Variants in PDE10A observed in about 807,000 individuals in gnomAD.
The protein encoded by PDE10A is cAMP and cAMP-inhibited cGMP 3',5'-cyclic phosphodiesterase 10A.
A neutral mutation model predicts 97.7 loss-of-function variants in PDE10A; 39 were observed. The ratio of observed to expected loss-of-function variants is 0.40; its 90% CI spans 0.31 to 0.52. The LOEUF is 0.52. Ranked by LOEUF, PDE10A falls within the 20% of genes least tolerant of loss-of-function variation. The probability of loss-of-function intolerance (pLI) is 0.56; values close to 1 mark genes in which losing one functional copy is unlikely to be tolerated. For synonymous variants in PDE10A, 371 were observed against 376.8 expected (o/e 0.98, Z 0.18); for missense variants, 731 against 1,047.8 (o/e 0.70, Z 4.17).
chr6:165,394,075 A>C (rs1785934520), intron 15 of PDE10A, among the ~76,000 whole-genome samples: 1 of 151,880 alleles, frequency 6.6e-6, no homozygotes, highest in African/African-American at 2.4e-5. Flanking sequence ...TATTATTATT[A>C]TTATTATTAT....
chr6:165,727,282 T>C (rs942450498), intron 1 of PDE10A, among the ~76,000 whole-genome samples: 1 of 152,196 alleles, frequency 6.6e-6, no homozygotes, highest in African/African-American at 2.4e-5. Context: ...GGGCGCCAGA[T>C]TTCCCTTCGC....
chr6:165,708,635 G>A (rs1210541833), intron 1 of PDE10A, among the ~76,000 whole-genome samples: 2 of 151,620 alleles, frequency 1.3e-5, no homozygotes, highest in Non-Finnish European at 2.9e-5. Flanking sequence ...AACCAACCCA[G>A]GAATGCCTCC....
intron 5 of PDE10A, among the ~76,000 whole-genome samples, chr6:165,437,202 G>A (rs750502681): frequency 4.0e-5 from 6 of 151,866 alleles, no homozygotes; most frequent in Non-Finnish European, 7.4e-5. Context: ...GTTTTTGGCT[G>A]CATTTGTTTG....
Position 165,907,308 on chromosome 6 carries a change from G to A in PDE10A, c.-615+80221C>T, listed in dbSNP as rs374835007. On this transcript the variant is annotated intron_variant, in intron 1 of 19. Coordinates refer to the PDE10A transcript ENST00000366882. Reference sequence around the variant, plus strand: ...CATCACCACATCTCTTTCCCCAGAGGTGGGTAACACTGTTCCCAGCGTGGA... The same window carrying A: ...CATCACCACATCTCTTTCCCCAGAGATGGGTAACACTGTTCCCAGCGTGGA... 1.3e-4 allele frequency among the ~76,000 whole-genome samples: 20 copies of A among 152,346 alleles called. No individual in the cohort carries two copies. In the East Asian group the frequency reaches 3.1e-3, roughly 24 times the overall value.
At chr6:165,628,245 T>C (rs1313125959) in intron 1 of PDE10A, among the ~76,000 whole-genome samples, 1 of 152,256 alleles carries the variant, frequency 6.6e-6, no homozygotes, top group Non-Finnish European at 1.5e-5. Context: ...TAATAGTTAT[T>C]ACCACCTCAC....
chr6:165,394,143 G>A (rs183855611), intron 15 of PDE10A, among the ~76,000 whole-genome samples: 69 of 152,094 alleles, frequency 4.5e-4, no homozygotes, highest in Admixed American at 3.9e-3. Flanking sequence ...AGGTATACAC[G>A]TGCCATGATG....
intron 1 of PDE10A, among the ~76,000 whole-genome samples, chr6:165,594,316 G>GA (rs939798091): frequency 2.6e-5 from 4 of 151,928 alleles, no homozygotes; most frequent in African/African-American, 9.7e-5. Flanking sequence ...AAAGACATAT[G>GA]AAATATAGTA....
chr6:165,490,970 T>G (rs983288487), intron 2 of PDE10A, among the ~76,000 whole-genome samples: 4 of 151,972 alleles, frequency 2.6e-5, no homozygotes, highest in Admixed American at 6.6e-5. Flanking sequence ...AATTACAAAA[T>G]AAATTCACAA....
intron 3 of PDE10A, among the ~76,000 whole-genome samples, chr6:165,470,279 C>G (rs930382484): frequency 6.6e-5 from 10 of 152,096 alleles, no homozygotes; most frequent in African/African-American, 2.4e-4. Context: ...CGACAGGTAA[C>G]GAGAACTGAC....
chr6:165,630,160 G>A (rs893230725), intron 1 of PDE10A, among the ~76,000 whole-genome samples: 4 of 151,964 alleles, frequency 2.6e-5, no homozygotes, highest in African/African-American at 7.2e-5. Context: ...ACCAGCCTGC[G>A]CAACATGATG....
At chr6:165,428,613 G>A (rs1363315563) in intron 10 of PDE10A, 45 bp downstream of exon 10, 6 of 810,334 alleles carry the variant, frequency 7.4e-6, no homozygotes, top group Non-Finnish European at 1.3e-5. Context: ...AGCACCATGG[G>A]CCTAAGGGTT....
At position 165,431,086 on chromosome 6, in the gene PDE10A, T is replaced by C. The variant is rs116530439; in HGVS notation, c.1542+336A>G. Among the ~76,000 whole-genome samples, 854 of 152,188 alleles carry C rather than the reference T, an allele frequency of 5.6e-3. 10 individuals carry two copies. The highest frequency in any genetic ancestry group is 0.019 in the African/African-American group (801 of 41,534). On this transcript the variant is annotated intron_variant, in intron 8 of 21. Transcript: ENST00000539869. The stretch of plus-strand genomic sequence containing the variant: ...AATTTAGGAAATGGAATCATAAAAA[T>C]ATCAATGCAACTCCAGTAGGAGATT...
intron 1 of PDE10A, among the ~76,000 whole-genome samples, chr6:165,762,988 A>G (rs1443752014): frequency 6.6e-6 from 1 of 152,226 alleles, no homozygotes; most frequent in African/African-American, 2.4e-5. Flanking sequence ...GCCCTGGAAC[A>G]AGGAAAAAGG....
chr6:165,533,103 T>C (rs1782880871), intron 2 of PDE10A, among the ~76,000 whole-genome samples: 1 of 152,218 alleles, frequency 6.6e-6, no homozygotes, highest in Non-Finnish European at 1.5e-5. Flanking sequence ...TCATACTTGC[T>C]TAGCAAGTAC....
At chr6:165,522,021 C>T (rs1408096839) in intron 2 of PDE10A, among the ~76,000 whole-genome samples, 3 of 152,164 alleles carry the variant, frequency 2.0e-5, no homozygotes, top group Non-Finnish European at 4.4e-5. Flanking sequence ...TTTTGTAAGG[C>T]TGAATAATAT....
At chr6:165,749,228 CCA>C (rs1417562284) in intron 1 of PDE10A, among the ~76,000 whole-genome samples, 5 of 122,520 alleles carry the variant, frequency 4.1e-5, no homozygotes, top group Non-Finnish European at 6.9e-5. Context: ...CATCATATCA[CCA>C]TCACCACCAT....
chr6:165,338,717 C>T (rs1781792765), intron 20 of PDE10A, among the ~76,000 whole-genome samples: 1 of 152,136 alleles, frequency 6.6e-6, no homozygotes, highest in South Asian at 2.1e-4. Context: ...CAAATTCATC[C>T]ACCCCCTCTA....
chr6:165,585,558 G>C (rs954563961), intron 1 of PDE10A, among the ~76,000 whole-genome samples: 1 of 152,132 alleles, frequency 6.6e-6, no homozygotes, highest in Non-Finnish European at 1.5e-5. Context: ...TAGAGGCAGA[G>C]AATAGAATGA....
At chr6:165,790,156 A>T (rs1406004273) in intron 1 of PDE10A, among the ~76,000 whole-genome samples, 1 of 152,254 alleles carries the variant, frequency 6.6e-6, no homozygotes, top group African/African-American at 2.4e-5. Flanking sequence ...TCTAACTTCT[A>T]GTAAAATACT....
Sources: allele counts gnomAD v4.1 joint callset (sites outside exome capture counted in the v4.1 genomes callset), GRCh38; gene constraint gnomAD v4.1.1; transcripts MANE v1.5; gene names NCBI Gene and HGNC (gene_info 2026-07-23, HGNC 2026-07-21).